GADL1: variants seen among roughly 807,000 people sequenced by gnomAD.
GADL1 encodes acidic amino acid decarboxylase GADL1.
A neutral mutation model predicts 69.5 loss-of-function variants in GADL1; 71 were observed. The observed-to-expected ratio is 1.02, with a 90% CI of 0.84 to 1.25. GADL1 has a LOEUF of 1.25. Ranked by LOEUF, GADL1 falls within the 50% of genes most tolerant of loss-of-function variation. GADL1 has a pLI of 0.00. For missense variants in GADL1, 737 were observed against 631.8 expected (o/e 1.17, Z -1.79); for synonymous variants, 254 against 214.4 (o/e 1.18, Z -1.62).
intron 6 of GADL1, among the ~76,000 whole-genome samples, chr3:30,846,263 A>G (rs1698054290): frequency 6.6e-6 from 1 of 152,218 alleles, no homozygotes; most frequent in Non-Finnish European, 1.5e-5. Flanking sequence ...TTGGCAAAAG[A>G]TAAGTCAGTT....
intron 4 of GADL1, among the ~76,000 whole-genome samples, chr3:30,852,796 C>T (rs1287359208): frequency 6.6e-6 from 1 of 152,004 alleles, no homozygotes; most frequent in Non-Finnish European, 1.5e-5. Context: ...TTTAACACTC[C>T]TTTAATCTGA....
intron 5 of GADL1, among the ~76,000 whole-genome samples, chr3:30,850,313 T>G (rs1043220462): frequency 6.6e-6 from 1 of 152,152 alleles, no homozygotes; most frequent in African/African-American, 2.4e-5. Context: ...CTAGAACTTT[T>G]ATTCTTAGAA....
intron 14 of GADL1, among the ~76,000 whole-genome samples, chr3:30,759,119 T>C (rs1217859996): frequency 6.6e-6 from 1 of 152,130 alleles, no homozygotes; most frequent in Non-Finnish European, 1.5e-5. Flanking sequence ...GATTTAGTGC[T>C]GGCATCTCGT....
At chr3:30,834,389 T>C in intron 9 of GADL1, 108 bp from the exon 10 acceptor site, 1 of 866,858 alleles carries the variant, frequency 1.2e-6, no homozygotes, top group African/African-American at 1.7e-5. Flanking sequence ...CATTATTTGA[T>C]ATTTTATGTC....
At chr3:30,799,654 TG>T (rs1356916402) in intron 12 of GADL1, 2 of 152,176 alleles carry the variant, frequency 1.3e-5, no homozygotes, top group Non-Finnish European at 2.9e-5. Flanking sequence ...CCTCAAAAAA[TG>T]GGTTTTTTCT....
chr3:30,787,214 A>AT (rs1472155040), intron 12 of GADL1, among the ~76,000 whole-genome samples: 7 of 142,524 alleles, frequency 4.9e-5, no homozygotes, highest in African/African-American at 1.7e-4. Flanking sequence ...AATTACCTGA[A>AT]TATGAGGGGA....
At chr3:30,854,671 T>A in intron 4 of GADL1, 28 bp downstream of exon 4, 1 of 1,341,638 alleles carries the variant, frequency 7.5e-7, no homozygotes, top group Non-Finnish European at 1.0e-6. Context: ...CCACGTTTGG[T>A]GTGAAATTTC....
At chr3:30,865,114 TATC>T (rs1425590449) in intron 1 of GADL1, among the ~76,000 whole-genome samples, 1 of 151,948 alleles carries the variant, frequency 6.6e-6, no homozygotes, top group Non-Finnish European at 1.5e-5. Context: ...CACACAGCTC[TATC>T]ATCTGTGGTC....
chr3:30,872,223 C>T (rs921971705), intron 1 of GADL1, among the ~76,000 whole-genome samples: 91 of 151,948 alleles, frequency 6.0e-4, no homozygotes, highest in African/African-American at 2.2e-3. Flanking sequence ...TATCCCTGTC[C>T]TTCAGTCCCA....
At chr3:30,746,771 T>C (rs772972176) in intron 14 of GADL1, among the ~76,000 whole-genome samples, 5 of 152,176 alleles carry the variant, frequency 3.3e-5, no homozygotes, top group Non-Finnish European at 7.3e-5. Context: ...TTAAGATAAT[T>C]GACAATAAAA....
At chr3:30,846,666 TC>T (rs1368110646) in intron 6 of GADL1, among the ~76,000 whole-genome samples, 3 of 152,142 alleles carry the variant, frequency 2.0e-5, no homozygotes, top group Non-Finnish European at 4.4e-5. Context: ...AAAAAGAGTG[TC>T]CAAGGGATGT....
At chr3:30,744,821 A>AAAC (rs1481557263) in intron 14 of GADL1, among the ~76,000 whole-genome samples, 3 of 152,212 alleles carry the variant, frequency 2.0e-5, no homozygotes, top group African/African-American at 7.2e-5. Context: ...AAATAATAGA[A>AAAC]AACAAATGAG....
chr3:30,856,612 T>A (rs1698234302), intron 3 of GADL1, among the ~76,000 whole-genome samples: 1 of 152,048 alleles, frequency 6.6e-6, no homozygotes, highest in Non-Finnish European at 1.5e-5. Context: ...TAAAGATACC[T>A]TTTGAACACT....
chr3:30,811,288 A>G (rs1204950274), intron 11 of GADL1, among the ~76,000 whole-genome samples: 3 of 152,168 alleles, frequency 2.0e-5, no homozygotes, highest in African/African-American at 7.2e-5. Context: ...TTAAACCATA[A>G]CGCTGCCTAC....
chr3:30,812,389 C>T (rs137984446), intron 11 of GADL1, among the ~76,000 whole-genome samples: 206 of 152,326 alleles, frequency 1.4e-3, no homozygotes, highest in African/African-American at 4.7e-3. Context: ...CACAGTTCCA[C>T]GTGGCTGGGA....
rs1696319521 is a variant in GADL1 at position 30,767,827 on chromosome 3, C to T, written c.1392+10352G>A. Among the ~76,000 whole-genome samples, 3 of 151,950 alleles carry T rather than the reference C, an allele frequency of 2.0e-5. No homozygotes were observed. The South Asian group carries it at 6.2e-4, about 31-fold the overall frequency. ...AAGGCCATATTTGCATTCCATGCTA[C>T]AAAGACAGCTTTAAAACCCAAACCA... On this transcript the variant is annotated intron_variant, in intron 14 of 14. Coordinates refer to ENST00000282538, the MANE Select transcript of GADL1 (RefSeq NM_207359.3).
chr3:30,894,450 C>A, intron 1 of GADL1, 128 bp downstream of exon 1: 1 of 654,626 alleles, frequency 1.5e-6, no homozygotes, highest in Non-Finnish European at 2.5e-6. Context: ...AAGATGGGGA[C>A]TTTCTACCCA....
At chr3:30,865,826 C>T (rs955991856) in intron 1 of GADL1, among the ~76,000 whole-genome samples, 7 of 151,968 alleles carry the variant, frequency 4.6e-5, no homozygotes, top group African/African-American at 9.7e-5. Flanking sequence ...AGTCAGCGCA[C>T]GGACCACAGG....
At chr3:30,823,496 T>G (rs1448013087) in intron 11 of GADL1, among the ~76,000 whole-genome samples, 4 of 152,010 alleles carry the variant, frequency 2.6e-5, no homozygotes, top group African/African-American at 9.7e-5. Flanking sequence ...GGTCCTGAAC[T>G]GCTAATTCCC....
Sources: allele counts gnomAD v4.1 joint callset (sites outside exome capture counted in the v4.1 genomes callset), GRCh38; gene constraint gnomAD v4.1.1; transcripts MANE v1.5; gene names NCBI Gene and HGNC (gene_info 2026-07-23, HGNC 2026-07-21).